Variants in PDE4DIP observed in about 807,000 individuals in gnomAD.
PDE4DIP encodes phosphodiesterase 4D interacting protein.
A neutral mutation model predicts 221.4 loss-of-function variants in PDE4DIP; 59 were observed. That is an observed-to-expected ratio of 0.27 (90% CI 0.22 to 0.33). The LOEUF (loss-of-function observed/expected upper bound fraction) is 0.33. Among genes scored for constraint, PDE4DIP ranks in the 10% least tolerant of loss-of-function variants. PDE4DIP has a pLI of 1.00. For synonymous variants in PDE4DIP, 404 were observed against 815.9 expected, an observed-to-expected ratio of 0.50 and a Z score of 8.60; for missense variants, 1,036 against 2,154.2, an observed-to-expected ratio of 0.48 and a Z score of 10.28.
chr1:148,866,609 G>GAA, intron 2 of PDE4DIP: 3 of 41,044 alleles, frequency 7.3e-5, no homozygotes, highest in African/African-American at 3.3e-4. Flanking sequence ...AGGAAGGAAG[G>GAA]GAGGGAGGGA....
intron 8 of PDE4DIP, 26 bp downstream of exon 11, chr1:148,962,314 A>C (rs2057125366): frequency 6.5e-7 from 1 of 1,543,068 alleles, no homozygotes; most frequent in Admixed American, 1.7e-5. Context: ...GTAGGACAGG[A>C]GAGACTTCAG....
chr1:148,978,634 G>A (rs782730579), intron 19 of PDE4DIP, among the ~76,000 whole-genome samples: 22 of 151,966 alleles, frequency 1.4e-4, no homozygotes, highest in Non-Finnish European at 2.9e-4. Flanking sequence ...CCAGGCAGGA[G>A]TGCAGTGGTA....
At chr1:149,009,474 C>T in intron 29 of PDE4DIP, 94 bp from the exon 33 acceptor site, 3 of 709,112 alleles carry the variant, frequency 4.2e-6, no homozygotes, top group South Asian at 1.7e-5. Flanking sequence ...GGCATGGTCC[C>T]CTTGGCTTAC....
rs587745008 is a variant in PDE4DIP, at chr1:148,937,663, T to C, written c.519-84T>C. On this transcript the variant is annotated intron_variant, in intron 4 of 43. Coordinates refer to ENST00000369354, the Ensembl canonical transcript of PDE4DIP. Reference sequence around the variant, plus strand: ...GATAAAAACCTGCTATACTAGACCATGCTATCTTTGGAATGGGCTGAAAAA... The same window carrying C: ...GATAAAAACCTGCTATACTAGACCACGCTATCTTTGGAATGGGCTGAAAAA... The C allele has an allele frequency of 5.8e-6, 4 of 691,416 alleles. No individual in the cohort carries two copies. In the East Asian group the frequency reaches 9.9e-5, roughly 17 times the overall value. The allele number at this position is 691,416 out of a possible 1,614,324, so 42.8% of individuals were successfully genotyped here.
chr1:149,029,636 A>G, intron 41 of PDE4DIP, 151 bp from the exon 45 acceptor site: 2 of 680,752 alleles, frequency 2.9e-6, no homozygotes, highest in Non-Finnish European at 5.0e-6. Flanking sequence ...AACTGTCCTC[A>G]GCTGGAGGTA....
In PDE4DIP at chr1:149,027,637, C is replaced by T. The variant is rs782594479; in HGVS notation, c.6669+10C>T. ...AGCCCAAGGCACAGAGGTAATCACA[C>T]CTGAAGCTTTAGGTGCACTCTTTCC... On this transcript the variant is annotated intron_variant, in intron 40 of 43. Transcript: ENST00000369354. 1 of 478,074 alleles carries T rather than the reference C, an allele frequency of 2.1e-6. No individual in the cohort carries two copies. The highest frequency in any genetic ancestry group is 2.3e-5 in the South Asian group (1 of 43,886). 29.6% of individuals were successfully genotyped at this position (478,074 alleles called of 1,614,324 possible).
rs1207893266 is a variant in PDE4DIP, at chr1:148,843,543, A to T, written c.234-19707A>T. On this transcript the variant is annotated intron_variant, in intron 1 of 45. Coordinates refer to the PDE4DIP transcript ENST00000524974. ...GGGCACTATAAAGCCTTTTTCAGAT[A>T]AAAAAAAAGGTCAGTGATAGTGCTA... is the stretch of plus-strand genomic sequence containing the variant. Among the ~76,000 whole-genome samples, 14 of 91,160 alleles carry T rather than the reference A, an allele frequency of 1.5e-4. 5 individuals carry two copies. The highest frequency in any genetic ancestry group is 6.4e-4 in the Admixed American group (6 of 9,410). The allele number at this position is 91,160 out of a possible 152,430, so 59.8% of individuals were successfully genotyped here. A position where few individuals can be genotyped will look rare whatever the true frequency, so the allele number is the denominator to read the frequency against.
chr1:148,965,323 A>G lies in PDE4DIP; in HGVS notation c.1195-161A>G, dbSNP rs371014632. ...CCATTCACAACTTTTACAATTTTCCATATCCTATTCAATTCATGTATAATA... is the reference window on the plus strand; with the variant it reads ...CCATTCACAACTTTTACAATTTTCCGTATCCTATTCAATTCATGTATAATA... On this transcript the variant is annotated intron_variant, in intron 9 of 43. Transcript: ENST00000369354. 5.8e-4 allele frequency among the ~76,000 whole-genome samples: 88 copies of G among 152,020 alleles called. 1 individual carries two copies. Among genetic ancestry groups the G allele is most frequent in the Middle Eastern group, 3.4e-3 (1 of 294 alleles).
At chr1:148,926,760 T>C (rs2489110) in intron 1 of PDE4DIP, among the ~76,000 whole-genome samples, 5 of 151,906 alleles carry the variant, frequency 3.3e-5, no homozygotes, top group African/African-American at 4.8e-5. Context: ...GCTTAGGGAC[T>C]ATTTTTTATG....
At chr1:148,967,125 C>CA in intron 12 of PDE4DIP, 149 bp downstream of exon 15, 1 of 489,174 alleles carries the variant, frequency 2.0e-6, no homozygotes, top group Non-Finnish European at 3.7e-6. Context: ...CTAGTTCCAT[C>CA]ATTGTCAATT....
chr1:148,975,687 A>C (rs1483489821), intron 17 of PDE4DIP, among the ~76,000 whole-genome samples: 1 of 152,006 alleles, frequency 6.6e-6, no homozygotes, highest in Non-Finnish European at 1.5e-5. Flanking sequence ...ATATTCAACT[A>C]TGATGTTGAA....
rs2076919478 is a variant in PDE4DIP at position 149,032,171 on chromosome 1, G to C, written c.*186G>C. The C allele has an allele frequency of 4.3e-6, 5 of 1,153,476 alleles. No individual in the cohort carries two copies. The South Asian group carries it at 6.7e-5, about 15-fold the overall frequency. 71.5% of individuals were successfully genotyped at this position (1,153,476 alleles called of 1,614,324 possible). On this transcript the variant is annotated 3_prime_UTR_variant, in exon 44 of 44. Transcript: ENST00000369354. ...GAGATGTATCCTGGTGGAGCTGGGA[G>C]AAAGGCAGAAAGCCTTTCTGACGGC...
intron 1 of PDE4DIP, among the ~76,000 whole-genome samples, chr1:148,903,191 C>A (rs1553447942): frequency 7.4e-6 from 1 of 134,752 alleles, no homozygotes; most frequent in Non-Finnish European, 1.6e-5. Context: ...TGTTTGTTGG[C>A]CATCTGTATA....
intron 1 of PDE4DIP, among the ~76,000 whole-genome samples, chr1:148,893,132 A>G (rs1485034506): frequency 7.8e-6 from 1 of 128,422 alleles, no homozygotes; most frequent in Non-Finnish European, 1.6e-5. Context: ...TTTTTGGCAG[A>G]GATTGAGGTC....
At chr1:149,013,501 G>A (rs1253762394) in intron 32 of PDE4DIP, among the ~76,000 whole-genome samples, 2 of 70,874 alleles carry the variant, frequency 2.8e-5, no homozygotes, top group Non-Finnish European at 5.6e-5. Context: ...TAAATTTAGT[G>A]TGCTGGTGGT....
chr1:148,963,879 AAGTAGCTG>A (rs2057581599), intron 9 of PDE4DIP, among the ~76,000 whole-genome samples: 1 of 141,460 alleles, frequency 7.1e-6, no homozygotes, highest in Non-Finnish European at 1.5e-5. Context: ...TCAGCCTCCC[AAGTAGCTG>A]GGACTACAGG....
At chr1:149,020,009 A>G (rs1427089116) in intron 35 of PDE4DIP, 138 bp from the exon 39 acceptor site, 1 of 610,464 alleles carries the variant, frequency 1.6e-6, no homozygotes, top group Non-Finnish European at 2.9e-6. Flanking sequence ...ATGTTGAGCC[A>G]GCATGCTCTT....
At chr1:148,931,609 A>C in intron 2 of PDE4DIP, 191 bp from the exon 6 acceptor site, 1 of 590,854 alleles carries the variant, frequency 1.7e-6, no homozygotes, top group Non-Finnish European at 3.1e-6. Flanking sequence ...GGCTACTATT[A>C]AAACGTCTAA....
At chr1:148,864,376 GTTACTA>G (rs1248843017) in intron 2 of PDE4DIP, among the ~76,000 whole-genome samples, 1 of 140,902 alleles carries the variant, frequency 7.1e-6, no homozygotes. Context: ...CTTATCTATT[GTTACTA>G]TTAATGTATT....
Sources: gnomAD v4.1 joint callset for allele counts (sites outside exome capture counted in the v4.1 genomes callset) on GRCh38, gnomAD v4.1.1 for gene constraint, MANE v1.5 for transcripts, NCBI Gene and HGNC (gene_info 2026-07-23, HGNC 2026-07-21) for gene names.